The following FOCAD variants were observed in gnomAD, a reference collection of about 807,000 sequenced individuals.
FOCAD encodes KIAA1797.
FOCAD carries 198 observed loss-of-function variants against 225.6 expected under a neutral mutation model. The observed-to-expected ratio is 0.88, with a 90% CI of 0.78 to 0.99. The LOEUF (loss-of-function observed/expected upper bound fraction) is 0.99, where lower values mean the gene tolerates loss of function less well. Among genes scored for constraint, FOCAD ranks in the 50% least tolerant of loss-of-function variants. FOCAD has a pLI of 0.00. For missense variants in FOCAD, 2,713 were observed against 2,123.6 expected, an observed-to-expected ratio of 1.28 and a Z score of -5.46; for synonymous variants, 897 against 755.0, an observed-to-expected ratio of 1.19 and a Z score of -3.08.
chr9:20,775,317 T>C (rs1023477073), intron 8 of FOCAD, among the ~76,000 whole-genome samples: 2 of 152,192 alleles, frequency 1.3e-5, no homozygotes, highest in African/African-American at 4.8e-5. Flanking sequence ...TGATGCTCAC[T>C]GGGAGGAGAT....
At chr9:20,747,076 G>T (rs952399494) in intron 5 of FOCAD, among the ~76,000 whole-genome samples, 4 of 152,072 alleles carry the variant, frequency 2.6e-5, no homozygotes, top group Non-Finnish European at 5.9e-5. Flanking sequence ...TAAGCAATCT[G>T]TGGGGAATAC....
rs1271894149 is a variant in FOCAD at position 20,820,951 on chromosome 9, A to G, written c.1673A>G (p.Tyr558Cys). 2 of 1,612,386 alleles carry G rather than the reference A, an allele frequency of 1.2e-6. No homozygotes were observed. The highest frequency in any genetic ancestry group is 1.7e-6 in the Non-Finnish European group (2 of 1,178,906). Residue 558 changes from tyrosine (Y) to cysteine (C), a missense_variant, in exon 14 of 44, where the codon TAT (tyrosine) becomes TGT (cysteine). By Grantham distance (194) the Tyr-to-Cys change is radical. Transcript: ENST00000338382. Reference protein sequence around the residue: ...TSLWEKQDRVYPELQRFMAVS... With the variant: ...TSLWEKQDRVCPELQRFMAVS... ...AAATTGCCTTCGTAGGACCGAGTCT[A>G]TCCTGAACTGCAGCGTTTCATGGCT... is the stretch of plus-strand genomic sequence containing the variant.
At chr9:20,969,488 C>T (rs1839569237) in intron 35 of FOCAD, among the ~76,000 whole-genome samples, 3 of 151,880 alleles carry the variant, frequency 2.0e-5, no homozygotes, top group South Asian at 4.1e-4. Context: ...TGTTAAATTT[C>T]TTGATTAATC....
intron 21 of FOCAD, among the ~76,000 whole-genome samples, chr9:20,905,175 A>C (rs1333438763): frequency 7.9e-5 from 12 of 152,030 alleles, no homozygotes; most frequent in Admixed American, 7.2e-4. Context: ...TGGGGAGTTC[A>C]GGCTGGCTTC....
upstream of FOCAD, among the ~76,000 whole-genome samples, chr9:20,679,609 C>T (rs1822340141): frequency 6.6e-6 from 1 of 152,018 alleles, no homozygotes; most frequent in African/African-American, 2.4e-5. Flanking sequence ...TCAGTAGGCC[C>T]TTCTACACTG....
At chr9:20,942,498 A>G (rs1003068857) in intron 28 of FOCAD, among the ~76,000 whole-genome samples, 6 of 152,184 alleles carry the variant, frequency 3.9e-5, no homozygotes, top group African/African-American at 9.7e-5. Context: ...CAGAAACTGA[A>G]TTTTCTTGGT....
intron 39 of FOCAD, among the ~76,000 whole-genome samples, chr9:20,985,622 G>A (rs980513639): frequency 5.3e-5 from 8 of 152,008 alleles, no homozygotes; most frequent in East Asian, 1.9e-4. Flanking sequence ...AATCTTACAC[G>A]TGTTCTTCCT....
chr9:20,982,556 G>C, intron 39 of FOCAD, 110 bp downstream of exon 39: 1 of 797,676 alleles, frequency 1.3e-6, no homozygotes, highest in South Asian at 1.5e-5. Context: ...TTTGTTATTG[G>C]TTAATTTCAG....
At chr9:20,941,576 A>G (rs1398261249) in intron 28 of FOCAD, among the ~76,000 whole-genome samples, 1 of 152,220 alleles carries the variant, frequency 6.6e-6, no homozygotes, top group African/African-American at 2.4e-5. Context: ...AGAATTGCTT[A>G]GCTTTTAAGT....
chr9:20,822,857 A>G, intron 14 of FOCAD, 132 bp from the exon 15 acceptor site: 1 of 661,980 alleles, frequency 1.5e-6, no homozygotes, highest in Non-Finnish European at 2.2e-6. Flanking sequence ...ACATGGTGTT[A>G]ATATTTGAGG....
intron 15 of FOCAD, among the ~76,000 whole-genome samples, chr9:20,829,376 C>T (rs996880383): frequency 6.6e-6 from 1 of 151,876 alleles, no homozygotes; most frequent in Non-Finnish European, 1.5e-5. Context: ...TTGCATTTCT[C>T]TGATGATCAG....
At chr9:20,795,260 A>G (rs1327250902) in intron 11 of FOCAD, among the ~76,000 whole-genome samples, 1 of 152,210 alleles carries the variant, frequency 6.6e-6, no homozygotes, top group African/African-American at 2.4e-5. Context: ...AAATAATATA[A>G]CAAAAGGAAA....
chr9:20,759,636 C>G (rs1266884487), intron 6 of FOCAD, among the ~76,000 whole-genome samples: 3 of 152,166 alleles, frequency 2.0e-5, no homozygotes, highest in Non-Finnish European at 4.4e-5. Context: ...CATTACCATT[C>G]AGGACATAGG....
chr9:20,672,095 C>T (rs1822081290), intron 2 of FOCAD, among the ~76,000 whole-genome samples: 1 of 151,864 alleles, frequency 6.6e-6, no homozygotes, highest in African/African-American at 2.4e-5. Context: ...CCATACTCTA[C>T]TTTTGTGTGA....
chr9:20,713,357 A>T (rs1431145881), intron 1 of FOCAD, among the ~76,000 whole-genome samples: 1 of 152,058 alleles, frequency 6.6e-6, no homozygotes, highest in Non-Finnish European at 1.5e-5. Context: ...TGTGCCTGTG[A>T]CACTCTTCCG....
intron 15 of FOCAD, among the ~76,000 whole-genome samples, chr9:20,845,442 G>GATAT (rs3086547): frequency 0.19 from 23,431 of 121,078 alleles, 2,644 homozygotes; most frequent in East Asian, 0.26. Context: ...TCTTTTCCTC[G>GATAT]ATATATATAT....
At chr9:20,763,444 G>A (rs997978542) in intron 6 of FOCAD, among the ~76,000 whole-genome samples, 2 of 152,176 alleles carry the variant, frequency 1.3e-5, no homozygotes, top group South Asian at 2.1e-4. Context: ...TCTAGCCTGG[G>A]CAATGTAGCA....
intron 7 of FOCAD, among the ~76,000 whole-genome samples, chr9:20,766,871 T>A (rs984616056): frequency 1.3e-5 from 2 of 151,896 alleles, no homozygotes; most frequent in South Asian, 2.1e-4. Flanking sequence ...CATGTGCACA[T>A]TGTGCAGGTT....
At chr9:20,795,767 G>C (rs1216893288) in intron 11 of FOCAD, among the ~76,000 whole-genome samples, 1 of 100,046 alleles carries the variant, frequency 1.0e-5, no homozygotes, top group Non-Finnish European at 1.8e-5. Context: ...CTGGGGGACA[G>C]AGCAAGACTC....
Sources: gnomAD v4.1 joint callset for allele counts (sites outside exome capture counted in the v4.1 genomes callset) on GRCh38, gnomAD v4.1.1 for gene constraint, MANE v1.5 for transcripts, NCBI Gene and HGNC (gene_info 2026-07-23, HGNC 2026-07-21) for gene names.